The following ABLIM2 variants were observed in gnomAD, a reference collection of about 807,000 sequenced individuals.
ABLIM2 encodes the protein actin-binding LIM protein 2.
In ABLIM2, 53 loss-of-function variants were observed where a neutral mutation model predicts 97.7. The ratio of observed to expected loss-of-function variants is 0.54; its 90% CI spans 0.44 to 0.68. The LOEUF (loss-of-function observed/expected upper bound fraction) is 0.68. Ranked by LOEUF, ABLIM2 falls within the 30% of genes least tolerant of loss-of-function variation. The probability of loss-of-function intolerance (pLI) is 0.00; values close to 1 mark genes in which losing one functional copy is unlikely to be tolerated. For missense variants in ABLIM2, 835 were observed against 867.2 expected (o/e 0.96, Z 0.47); for synonymous variants, 361 against 345.8 (o/e 1.04, Z -0.49).
chr4:8,088,049 C>A, intron 4 of ABLIM2, 120 bp downstream of exon 4: 1 of 467,426 alleles, frequency 2.1e-6, no homozygotes, highest in Non-Finnish European at 3.4e-6. Flanking sequence ...CTCAGCGCCC[C>A]CCAGCACCTC....
rs921632585 is a variant in ABLIM2 at position 8,068,601 on chromosome 4, G to A, written c.676-7547C>T. Among the ~76,000 whole-genome samples the A allele has an allele frequency of 1.3e-5, 2 of 152,218 alleles. No homozygotes were observed. The highest frequency in any genetic ancestry group is 4.8e-5 in the African/African-American group (2 of 41,454). On this transcript the variant is annotated intron_variant, in intron 6 of 20. Transcript: ENST00000447017. The surrounding 1 kb of genome is among the most constrained non-coding windows in gnomAD (Gnocchi z 4.5). ...CATGAGCCCCTCACACCTGAGGCAG[G>A]AGGCCCCTTTCCTCCCTGAATCCAA... is the stretch of plus-strand genomic sequence containing the variant.
intron 20 of ABLIM2, among the ~76,000 whole-genome samples, chr4:7,982,904 T>C (rs2149669296): frequency 6.6e-6 from 1 of 152,290 alleles, no homozygotes; most frequent in African/African-American, 2.4e-5. Flanking sequence ...GGTTTCACCA[T>C]GTTGGCCAGG....
intron 1 of ABLIM2, 95 bp from the exon 2 acceptor site, chr4:8,106,732 C>A (rs950140603): frequency 6.9e-7 from 1 of 1,440,614 alleles, no homozygotes; most frequent in Admixed American, 2.3e-5. Context: ...GCTGACCCTG[C>A]CAGCGGGCCC....
chr4:8,119,937 C>T (rs954297886), intron 1 of ABLIM2, among the ~76,000 whole-genome samples: 3 of 152,124 alleles, frequency 2.0e-5, no homozygotes, highest in African/African-American at 7.2e-5. Context: ...GTGCTCAAGT[C>T]CTGCGGGTGG....
rs1800893473 is a variant in ABLIM2 at position 8,058,608 on chromosome 4, C to T, written c.763+2359G>A. 6.6e-6 allele frequency among the ~76,000 whole-genome samples: 1 copy of T among 152,184 alleles called. No homozygotes were observed. The highest frequency in any genetic ancestry group is 1.5e-5 in the Non-Finnish European group (1 of 68,028). ...CCCTATGCCCCGTCCAATCCATCATCAAGTCTGGGGGCTGCACTCCAGCAC... is the reference window on the plus strand; with the variant it reads ...CCCTATGCCCCGTCCAATCCATCATTAAGTCTGGGGGCTGCACTCCAGCAC... On this transcript the variant is annotated intron_variant, in intron 7 of 20. Transcript: ENST00000447017. This position sits in a 1 kb window ranked among gnomAD's most constrained non-coding sequence, Gnocchi z 4.2.
chr4:8,088,121 C>CA (rs1166888407), intron 4 of ABLIM2, 48 bp downstream of exon 4: 5 of 861,804 alleles, frequency 5.8e-6, no homozygotes, highest in Non-Finnish European at 6.6e-6. Flanking sequence ...TAGCACCCCC[C>CA]ACTCAGCATG....
rs1240898847 is a variant in ABLIM2 at position 7,977,031 on chromosome 4, T to A, written c.1824+6233A>T. On this transcript the variant is annotated intron_variant, in intron 20 of 20. Transcript: ENST00000447017. Reference sequence around the variant, plus strand: ...ACTCAAATCTCATCTCAAATTGTAATCCCCATAATCCCCACATGTGGAGGG... The same window carrying A: ...ACTCAAATCTCATCTCAAATTGTAAACCCCATAATCCCCACATGTGGAGGG... Among the ~76,000 whole-genome samples, 5 of 152,208 alleles carry A rather than the reference T, an allele frequency of 3.3e-5. No homozygotes were observed. In the East Asian group the frequency reaches 9.7e-4, roughly 30 times the overall value.
At chr4:7,990,842 G>T (rs1387508810) in intron 17 of ABLIM2, among the ~76,000 whole-genome samples, 1 of 152,132 alleles carries the variant, frequency 6.6e-6, no homozygotes, top group Non-Finnish European at 1.5e-5. Flanking sequence ...CATAAAAGTC[G>T]TAGAAAGAGT....
intron 1 of ABLIM2, among the ~76,000 whole-genome samples, chr4:8,152,651 G>A (rs1053494644): frequency 5.9e-5 from 9 of 152,212 alleles, no homozygotes; most frequent in African/African-American, 1.2e-4. Flanking sequence ...GGGCTTCCCC[G>A]GGACTGGGAC....
At chr4:7,967,539 G>A (rs1026576919) in intron 20 of ABLIM2, among the ~76,000 whole-genome samples, 1 of 152,174 alleles carries the variant, frequency 6.6e-6, no homozygotes, top group African/African-American at 2.4e-5. Flanking sequence ...CCGGGACTTC[G>A]TAGCCCAGGA....
chr4:7,993,238 C>T (rs1409520385), intron 16 of ABLIM2, among the ~76,000 whole-genome samples: 1 of 152,370 alleles, frequency 6.6e-6, no homozygotes, highest in East Asian at 1.9e-4. Flanking sequence ...GGGCCAAGCC[C>T]CTCACTTTAC....
chr4:7,988,069 G>A (rs1157977960), intron 17 of ABLIM2, among the ~76,000 whole-genome samples: 4 of 152,194 alleles, frequency 2.6e-5, no homozygotes, highest in African/African-American at 9.7e-5. Context: ...TGTCACCCAG[G>A]CTGGAGTGCA....
In ABLIM2 at chr4:8,058,575, G is replaced by A. The variant is rs574974294; in HGVS notation, c.763+2392C>T. On this transcript the variant is annotated intron_variant, in intron 7 of 20. Transcript: ENST00000447017. The surrounding 1 kb of genome is among the most constrained non-coding windows in gnomAD (Gnocchi z 4.2). ...AAGTCACAATAGCAGACCTGTCCTC[G>A]CCGGGGCCCCTATGCCCCGTCCAAT... Among the ~76,000 whole-genome samples the A allele has an allele frequency of 5.9e-5, 9 of 152,272 alleles. No individual in the cohort carries two copies. Among genetic ancestry groups the A allele is most frequent in the East Asian group, 1.9e-4 (1 of 5,168 alleles).
chr4:8,019,642 T>C lies in ABLIM2; in HGVS notation c.1399A>G (p.Lys467Glu). The change falls in exon 14 of 21, where the codon AAA becomes GAA. Residue 467 changes from lysine to glutamate, a missense_variant. Lys to Glu is a moderately conservative substitution (Grantham distance 56). Coordinates refer to ENST00000447017, the MANE Select transcript of ABLIM2 (RefSeq NM_001130083.2). The surrounding 1 kb of genome is among the most constrained non-coding windows in gnomAD (Gnocchi z 4.3). ...CCATGCTGTCTGTAGATAGGGGGTT[T>C]CCTATAGATGTTATCTTTTACGCCA... is the stretch of plus-strand genomic sequence containing the variant. ...DTGVKDNIYR[K>E]PPIYRQHAAR... 1 of 1,612,328 alleles carries C rather than the reference T, an allele frequency of 6.2e-7. No homozygotes were observed.
At chr4:8,037,572 G>T (rs1004812648) in intron 9 of ABLIM2, among the ~76,000 whole-genome samples, 1 of 151,496 alleles carries the variant, frequency 6.6e-6, no homozygotes, top group Non-Finnish European at 1.5e-5. Flanking sequence ...CCCACACACT[G>T]GCACACACCT....
Position 8,069,748 on chromosome 4 carries a change from T to G in ABLIM2, c.675+7880A>C, listed in dbSNP as rs1810518312. 5.3e-5 allele frequency among the ~76,000 whole-genome samples: 8 copies of G among 152,026 alleles called. No individual in the cohort carries two copies. The highest frequency in any genetic ancestry group is 5.2e-4 in the Admixed American group (8 of 15,266). On this transcript the variant is annotated intron_variant, in intron 6 of 20. Transcript: ENST00000447017. This position sits in a 1 kb window ranked among gnomAD's most constrained non-coding sequence, Gnocchi z 4.2. Reference sequence around the variant, plus strand: ...TGTGTCCATGTGTCCTTGTGTTGTCTGTGTACGTTTCGGTGTGTCCATGCA... The same window carrying G: ...TGTGTCCATGTGTCCTTGTGTTGTCGGTGTACGTTTCGGTGTGTCCATGCA...
Position 7,965,579 on chromosome 4 carries a change from CAA to C in ABLIM2, c.*1409_*1410del, listed in dbSNP as rs906001143. 2.0e-5 allele frequency: 3 copies of C among 152,484 alleles called. No individual in the cohort carries two copies. The highest frequency in any genetic ancestry group is 1.9e-4 in the East Asian group (1 of 5,172). The allele number at this position is 152,484 out of a possible 1,614,324, so 9.4% of individuals were successfully genotyped here. On this transcript the variant is annotated 3_prime_UTR_variant, in exon 21 of 21. Coordinates refer to ENST00000447017, the MANE Select transcript of ABLIM2 (RefSeq NM_001130083.2). ...ACAGGCAGGAACATCGGGACACACA[CAA>C]AGAGGCAACACCCACTGCGGACGGG... is the stretch of plus-strand genomic sequence containing the variant.
chr4:8,040,345 T>A (rs1003153108), intron 9 of ABLIM2, among the ~76,000 whole-genome samples: 1 of 152,140 alleles, frequency 6.6e-6, no homozygotes, highest in Non-Finnish European at 1.5e-5. Flanking sequence ...GCGCAGTGGC[T>A]CACACCTGTA....
At chr4:8,012,522 C>G (rs1765732342) in intron 14 of ABLIM2, among the ~76,000 whole-genome samples, 1 of 147,462 alleles carries the variant, frequency 6.8e-6, no homozygotes, top group Admixed American at 6.7e-5. Flanking sequence ...ACCCACCCAT[C>G]CACCCATCTA....
Sources: allele counts gnomAD v4.1 joint callset (sites outside exome capture counted in the v4.1 genomes callset), GRCh38; gene constraint gnomAD v4.1.1; non-coding constraint Gnocchi (gnomAD v3.1); transcripts MANE v1.5; gene names NCBI Gene and HGNC (gene_info 2026-07-23, HGNC 2026-07-21).